Variants in AGBL1 observed in about 807,000 individuals in gnomAD.
AGBL1 encodes cytosolic carboxypeptidase 4.
AGBL1 carries 130 observed loss-of-function variants against 118.9 expected under a neutral mutation model. That is an observed-to-expected ratio of 1.09 (90% CI 0.95 to 1.26). The LOEUF (loss-of-function observed/expected upper bound fraction) is 1.26, where lower values mean the gene tolerates loss of function less well. Among genes scored for constraint, AGBL1 ranks in the 50% most tolerant of loss-of-function variants. The pLI, the probability that AGBL1 is intolerant of heterozygous loss-of-function variation, is 0.00. For synonymous variants in AGBL1, 555 were observed against 478.9 expected (o/e 1.16, Z -2.08); for missense variants, 1,584 against 1,298.1 (o/e 1.22, Z -3.38).
intron 21 of AGBL1, among the ~76,000 whole-genome samples, chr15:86,625,620 TA>T (rs1301346324): frequency 6.6e-6 from 1 of 152,018 alleles, no homozygotes; most frequent in African/African-American, 2.4e-5. Flanking sequence ...TCATAAAAAG[TA>T]AATTCTGGAT....
At chr15:86,584,559 T>C (rs1170209115) in intron 21 of AGBL1, among the ~76,000 whole-genome samples, 4 of 152,160 alleles carry the variant, frequency 2.6e-5, no homozygotes, top group Admixed American at 2.6e-4. Flanking sequence ...TTTGTACCAG[T>C]ACCATGCTGT....
intron 16 of AGBL1, among the ~76,000 whole-genome samples, chr15:86,293,022 G>C (rs867381311): frequency 6.6e-6 from 1 of 152,190 alleles, no homozygotes. Context: ...TGAGGCTAGA[G>C]AAAGGCCATA....
chr15:86,810,047 T>C (rs1013687855), intron 22 of AGBL1, among the ~76,000 whole-genome samples: 1 of 152,218 alleles, frequency 6.6e-6, no homozygotes, highest in African/African-American at 2.4e-5. Context: ...CTGGGTTCAC[T>C]ACAACTTAAA....
intron 22 of AGBL1, among the ~76,000 whole-genome samples, chr15:86,727,049 C>G (rs2086831281): frequency 1.3e-5 from 2 of 152,060 alleles, no homozygotes; most frequent in African/African-American, 4.8e-5. Context: ...TTTAAACTCC[C>G]TTTGGACTGT....
chr15:86,644,302 G>T (rs186800240), intron 21 of AGBL1, among the ~76,000 whole-genome samples: 3 of 152,172 alleles, frequency 2.0e-5, no homozygotes. Context: ...GGAGGCTGAG[G>T]CAAGAGGATT....
intron 22 of AGBL1, among the ~76,000 whole-genome samples, chr15:86,699,446 A>G (rs896063041): frequency 6.6e-6 from 1 of 152,088 alleles, no homozygotes; most frequent in Admixed American, 6.6e-5. Flanking sequence ...GGGGACAAAT[A>G]CCTTGGCTAC....
At chr15:86,358,259 A>G (rs986804416) in intron 17 of AGBL1, among the ~76,000 whole-genome samples, 2 of 152,096 alleles carry the variant, frequency 1.3e-5, no homozygotes, top group Admixed American at 1.3e-4. Context: ...TTTACAGTCC[A>G]CATAAAAGTA....
chr15:86,382,686 C>T (rs1011498370), intron 17 of AGBL1, among the ~76,000 whole-genome samples: 6 of 151,820 alleles, frequency 4.0e-5, no homozygotes, highest in Non-Finnish European at 8.8e-5. Flanking sequence ...TTATTATTCT[C>T]TTTCTTTTTA....
chr15:86,215,525 C>G (rs1485055136), intron 5 of AGBL1, among the ~76,000 whole-genome samples: 3 of 152,108 alleles, frequency 2.0e-5, no homozygotes, highest in South Asian at 2.1e-4. Flanking sequence ...AAAAAGCTCG[C>G]TAGTGCCAGT....
chr15:86,948,009 G>T (rs917223646), intron 23 of AGBL1, among the ~76,000 whole-genome samples: 4 of 152,160 alleles, frequency 2.6e-5, no homozygotes, highest in Admixed American at 2.0e-4. Flanking sequence ...TGTTAAGGTT[G>T]TCATCTACCT....
chr15:86,555,506 G>A (rs1173956929), intron 21 of AGBL1, among the ~76,000 whole-genome samples: 1 of 152,142 alleles, frequency 6.6e-6, no homozygotes, highest in Non-Finnish European at 1.5e-5. Context: ...CAGAGCTACC[G>A]AACCACCCTT....
At chr15:86,457,575 G>T (rs757749157) in intron 18 of AGBL1, among the ~76,000 whole-genome samples, 2 of 152,158 alleles carry the variant, frequency 1.3e-5, no homozygotes, top group Non-Finnish European at 2.9e-5. Context: ...CTCGGGAAAA[G>T]TGTCCCCACT....
At chr15:86,671,849 A>C (rs2085752288) in intron 21 of AGBL1, among the ~76,000 whole-genome samples, 1 of 152,162 alleles carries the variant, frequency 6.6e-6, no homozygotes. Flanking sequence ...TCACATACTG[A>C]GGATATGACA....
chr15:86,938,315 CAG>C (rs2080701941), intron 23 of AGBL1, among the ~76,000 whole-genome samples: 1 of 152,160 alleles, frequency 6.6e-6, no homozygotes, highest in Non-Finnish European at 1.5e-5. Flanking sequence ...GCACGGGACA[CAG>C]ATATGATGGC....
At chr15:86,722,470 C>T (rs1220339696) in intron 22 of AGBL1, among the ~76,000 whole-genome samples, 1 of 152,170 alleles carries the variant, frequency 6.6e-6, no homozygotes, top group South Asian at 2.1e-4. Flanking sequence ...AAAGCTGAAA[C>T]TGGATCCCTT....
At chr15:86,525,568 G>C (rs895411735) in intron 19 of AGBL1, among the ~76,000 whole-genome samples, 1 of 152,104 alleles carries the variant, frequency 6.6e-6, no homozygotes, top group African/African-American at 2.4e-5. Flanking sequence ...AGAGAACCCA[G>C]AGATAAAGCC....
chr15:86,989,744 C>T (rs778466061), intron 24 of AGBL1, among the ~76,000 whole-genome samples: 9 of 152,074 alleles, frequency 5.9e-5, no homozygotes, highest in Admixed American at 2.0e-4. Flanking sequence ...TTGGTAGGTA[C>T]TATTTTAAAG....
chr15:86,326,514 T>C (rs1358477384), intron 17 of AGBL1, among the ~76,000 whole-genome samples: 1 of 152,216 alleles, frequency 6.6e-6, no homozygotes, highest in African/African-American at 2.4e-5. Context: ...AAAGAAGTGA[T>C]TCATTCCTTT....
At chr15:86,429,865 T>C (rs2081913597) in intron 18 of AGBL1, among the ~76,000 whole-genome samples, 1 of 152,160 alleles carries the variant, frequency 6.6e-6, no homozygotes, top group Admixed American at 6.5e-5. Flanking sequence ...ATAACAACAA[T>C]GCATTGACTT....
Sources: gnomAD v4.1 joint callset for allele counts (sites outside exome capture counted in the v4.1 genomes callset) on GRCh38, gnomAD v4.1.1 for gene constraint, MANE v1.5 for transcripts, NCBI Gene and HGNC (gene_info 2026-07-23, HGNC 2026-07-21) for gene names.